CD36: variants seen among roughly 807,000 people sequenced by gnomAD.
CD36 encodes CD36 molecule (CD36 blood group), also known as platelet glycoprotein 4.
A neutral mutation model predicts 55.2 loss-of-function variants in CD36; 119 were observed. That is an observed-to-expected ratio of 2.15 (90% CI 1.86 to 2.51). The LOEUF (loss-of-function observed/expected upper bound fraction) is 2.51, where lower values mean the gene tolerates loss of function less well. Among genes scored for constraint, CD36 ranks in the 30% most tolerant of loss-of-function variants. The pLI, the probability that CD36 is intolerant of heterozygous loss-of-function variation, is 0.00. For missense variants in CD36, 819 were observed against 555.5 expected, an observed-to-expected ratio of 1.47 and a Z score of -4.77; for synonymous variants, 186 against 193.6, an observed-to-expected ratio of 0.96 and a Z score of 0.33.
chr7:80,653,563 G>C (rs529142129), intron 3 of CD36, among the ~76,000 whole-genome samples: 1 of 152,260 alleles, frequency 6.6e-6, no homozygotes, highest in Admixed American at 6.5e-5. Context: ...TGCATGCTTA[G>C]AGTCAGGGAC....
At position 80,666,478 on chromosome 7, in the gene CD36, T is replaced by A. The variant is rs557732736; in HGVS notation, c.737T>A (p.Ile246Asn). 5 of 1,607,812 alleles carry A rather than the reference T, an allele frequency of 3.1e-6. No homozygotes were observed. In the East Asian group the frequency reaches 1.1e-4, roughly 36 times the overall value. The stretch of plus-strand genomic sequence containing the variant: ...TATTGGGAAAGTCACTGCGACATGA[T>A]TAATGGTACAGGTAAGAATATTTGT... ...LSYWESHCDM[I>N]NGTDAASFPP... The change falls in exon 8 of 15, where the codon ATT (isoleucine) becomes AAT (asparagine). Residue 246 changes from isoleucine to asparagine, a missense_variant. Coordinates refer to ENST00000447544, the MANE Select transcript of CD36 (RefSeq NM_001001548.3).
intron 1 of CD36, among the ~76,000 whole-genome samples, chr7:80,611,452 A>G (rs916524993): frequency 6.6e-6 from 1 of 152,162 alleles, no homozygotes; most frequent in Non-Finnish European, 1.5e-5. Flanking sequence ...TTGTGCTAGC[A>G]TATACATGAG....
chr7:80,616,114 A>C (rs1793136493), intron 1 of CD36, among the ~76,000 whole-genome samples: 1 of 152,114 alleles, frequency 6.6e-6, no homozygotes, highest in African/African-American at 2.4e-5. Context: ...TGTTAGGGTT[A>C]TATCCCAATA....
At chr7:80,622,334 C>T (rs1254301827) in intron 1 of CD36, among the ~76,000 whole-genome samples, 1 of 152,228 alleles carries the variant, frequency 6.6e-6, no homozygotes, top group Non-Finnish European at 1.5e-5. Flanking sequence ...TGGGGCATGG[C>T]TTGCCGAGGG....
chr7:80,648,805 A>G (rs3211818), intron 3 of CD36, among the ~76,000 whole-genome samples: 1 of 152,112 alleles, frequency 6.6e-6, no homozygotes, highest in Non-Finnish European at 1.5e-5. Flanking sequence ...GAAGTGTAGA[A>G]TTTTGAAAGT....
intron 1 of CD36, among the ~76,000 whole-genome samples, chr7:80,618,630 T>G (rs533516391): frequency 1.6e-4 from 25 of 152,180 alleles, no homozygotes; most frequent in African/African-American, 6.0e-4. Flanking sequence ...ATAGAGAAAG[T>G]TTGAGTGGTC....
intron 8 of CD36, among the ~76,000 whole-genome samples, chr7:80,669,717 A>C (rs1797464391): frequency 6.6e-6 from 1 of 152,070 alleles, no homozygotes; most frequent in African/African-American, 2.4e-5. Context: ...GGCTGGTCTC[A>C]AACCCCTGAC....
chr7:80,652,244 T>A (rs1795683835), intron 3 of CD36, among the ~76,000 whole-genome samples: 2 of 152,216 alleles, frequency 1.3e-5, no homozygotes, highest in African/African-American at 4.8e-5. Context: ...ATGTTTCTTC[T>A]ACTAGTCCAA....
At chr7:80,609,779 T>C (rs1792774896) in intron 1 of CD36, among the ~76,000 whole-genome samples, 1 of 152,182 alleles carries the variant, frequency 6.6e-6, no homozygotes, top group Non-Finnish European at 1.5e-5. Flanking sequence ...AAGAGCTTGA[T>C]AGGAGACATA....
At chr7:80,634,004 C>G (rs562257528), upstream of CD36, among the ~76,000 whole-genome samples, 2 of 152,070 alleles carry the variant, frequency 1.3e-5, no homozygotes, top group African/African-American at 4.8e-5. Flanking sequence ...TCAACTTGTG[C>G]AAAGATTTTG....
Position 80,674,073 on chromosome 7 carries a change from C to T in CD36, c.1345C>T (p.Leu449Phe). The change falls in exon 14 of 15, where the codon CTC becomes TTC. Residue 449 changes from leucine (L) to phenylalanine (F), a missense_variant. Leu to Phe is a conservative substitution (Grantham distance 22). Coordinates refer to ENST00000447544, the MANE Select transcript of CD36 (RefSeq NM_001001548.3). ...NLLGLIEMILLSVGVVMFVAF... is the reference protein window; with the variant it reads ...NLLGLIEMILFSVGVVMFVAF... ...CCTTGGCCTGATAGAAATGATCTTA[C>T]TCAGTGTTGGTGTGGTGATGTTTGT... 6.2e-7 allele frequency: 1 copy of T among 1,611,848 alleles called. No individual in the cohort carries two copies. Among genetic ancestry groups the T allele is most frequent in the Non-Finnish European group, 8.5e-7 (1 of 1,178,454 alleles).
chr7:80,654,880 G>A (rs1584396969), intron 3 of CD36, among the ~76,000 whole-genome samples: 1 of 142,962 alleles, frequency 7.0e-6, no homozygotes. Flanking sequence ...GAGGGTGACG[G>A]AAAAAAAAAA....
chr7:80,675,485 G>C lies in CD36; in HGVS notation c.*1-899G>C, dbSNP rs193017970. On this transcript the variant is annotated intron_variant, in intron 14 of 14. Transcript: ENST00000447544. ...ATGATCCTTGGATGTCAGATTCCTT[G>C]GGTCTATTTATAGCTAAATTATAAT... Among the ~76,000 whole-genome samples the C allele has an allele frequency of 3.8e-3, 582 of 152,070 alleles. 2 individuals carry two copies. The highest frequency in any genetic ancestry group is 6.2e-3 in the Non-Finnish European group (421 of 67,998).
intron 14 of CD36, among the ~76,000 whole-genome samples, chr7:80,674,982 A>AGAGAT (rs1282157604): frequency 6.6e-6 from 1 of 152,134 alleles, no homozygotes; most frequent in African/African-American, 2.4e-5. Flanking sequence ...TCTATCTTCT[A>AGAGAT]GAGATGTTCC....
At chr7:80,644,933 A>C (rs1272966477) in intron 1 of CD36, among the ~76,000 whole-genome samples, 1 of 152,136 alleles carries the variant, frequency 6.6e-6, no homozygotes, top group African/African-American at 2.4e-5. Context: ...AGAAGTTCAA[A>C]TAAATGTGTT....
rs3211954 is a variant in CD36, at chr7:80,673,489, T to C, written c.1254+80T>C. 802 of 850,326 alleles carry C rather than the reference T, an allele frequency of 9.4e-4. 7 individuals are homozygous for C. In the African/African-American group the frequency reaches 0.01, roughly 11 times the overall value. The allele number at this position is 850,326 out of a possible 1,614,324, so 52.7% of individuals were successfully genotyped here. A position where few individuals can be genotyped will look rare whatever the true frequency, so the allele number is the denominator to read the frequency against. On this transcript the variant is annotated intron_variant, in intron 13 of 14. Transcript: ENST00000447544. ...GCTCTTGATGTTTCAAAAGAATGTA[T>C]AGTATTTAAAGCTATATGTATTTCC...
chr7:80,642,551 G>A (rs1017820429), intron 1 of CD36, among the ~76,000 whole-genome samples: 1 of 152,068 alleles, frequency 6.6e-6, no homozygotes, highest in Non-Finnish European at 1.5e-5. Flanking sequence ...TTTGCCTCAG[G>A]TGAATAAAAC....
At chr7:80,674,685 CATGCACTCTTAAAGATGA>C (rs1449641305) in intron 14 of CD36, among the ~76,000 whole-genome samples, 1 of 151,980 alleles carries the variant, frequency 6.6e-6, no homozygotes, top group Non-Finnish European at 1.5e-5. Context: ...TATTAGTGTC[CATGCACTCTTAAAGATGA>C]ATGAATGCCT....
intron 1 of CD36, among the ~76,000 whole-genome samples, chr7:80,611,595 G>A (rs1311661341): frequency 6.6e-6 from 1 of 152,174 alleles, no homozygotes; most frequent in Non-Finnish European, 1.5e-5. Flanking sequence ...TGAAAAGAGA[G>A]GAAAGTGTAC....
Sources: gnomAD v4.1 joint callset for allele counts (sites outside exome capture counted in the v4.1 genomes callset) on GRCh38, gnomAD v4.1.1 for gene constraint, MANE v1.5 for transcripts, NCBI Gene and HGNC (gene_info 2026-07-23, HGNC 2026-07-21) for gene names.